Variants in PNPO observed in about 807,000 individuals in gnomAD.
PNPO encodes the protein pyridoxamine 5'-phosphate oxidase.
Under a neutral mutation model 35.0 loss-of-function variants are expected in PNPO, and 39 were observed. The observed-to-expected ratio is 1.11, with a 90% CI of 0.86 to 1.45. The LOEUF is 1.45. PNPO is among the 40% of genes most tolerant of loss of function. PNPO has a pLI of 0.00. For synonymous variants in PNPO, 115 were observed against 119.8 expected, an observed-to-expected ratio of 0.96 and a Z score of 0.26; for missense variants, 288 against 340.0, an observed-to-expected ratio of 0.85 and a Z score of 1.20.
At chr17:47,944,997 C>T (rs543003386) in intron 3 of PNPO, 4 of 512,700 alleles carry the variant, frequency 7.8e-6, no homozygotes, top group African/African-American at 5.8e-5. Context: ...CAGACTCAGC[C>T]CCTCATGCTG....
intron 1 of PNPO, among the ~76,000 whole-genome samples, chr17:47,942,919 C>G (rs1298079275): frequency 1.3e-5 from 2 of 152,132 alleles, no homozygotes; most frequent in Non-Finnish European, 2.9e-5. Flanking sequence ...GAGTGAGACC[C>G]TGTCTAAAAT....
chr17:47,941,696 C>T lies in PNPO; in HGVS notation c.21C>T (p.Gly7=). MTCWLR[G]VTATFGRPAE... is the part of the protein sequence containing the mutation. ...CCCCCATGACGTGCTGGCTGCGGGG[C>T]GTCACGGCGACGTTCGGGCGACCTG... Residue 7 remains glycine, a synonymous_variant, in exon 1 of 7, where the codon GGC becomes GGT. Transcript: ENST00000642017. The T allele has an allele frequency of 1.9e-6, 3 of 1,540,422 alleles. No individual in the cohort carries two copies. The highest frequency in any genetic ancestry group is 2.7e-5 in the African/African-American group (2 of 72,968).
Position 47,946,778 on chromosome 17 carries a change from C to T in PNPO, c.782C>T (p.Pro261Leu), listed in dbSNP as rs769125577. The change falls in exon 7 of 7, where the codon CCT (proline) becomes CTT (leucine). Residue 261 changes from proline (P) to leucine (L), a missense_variant. By Grantham distance (98) the Pro-to-Leu change is moderately conservative. Transcript: ENST00000642017. ...GACTGGCTCTATGAGAGACTTGCACCTTAACTCTGGGACCTGCTGGCCCAG... is the reference window on the plus strand; with the variant it reads ...GACTGGCTCTATGAGAGACTTGCACTTTAACTCTGGGACCTGCTGGCCCAG... ...EEDWLYERLA[P>L] 1.8e-5 allele frequency: 29 copies of T among 1,613,910 alleles called. No homozygotes were observed. The Admixed American group carries it at 4.8e-4, about 27-fold the overall frequency.
At position 47,945,199 on chromosome 17, in the gene PNPO, G is replaced by A. The variant is rs1002510967; in HGVS notation, c.364-360G>A. ...TCTCCTGTTGTCAGACCCAGAGTGG[G>A]CACTTCGCGTGCATTCAATGAATGA... On this transcript the variant is annotated intron_variant, in intron 3 of 6. Transcript: ENST00000642017. The surrounding 1 kb of genome is among the most constrained non-coding windows in gnomAD (Gnocchi z 4.0). 2.6e-6 allele frequency: 1 copy of A among 388,784 alleles called. No individual in the cohort carries two copies. Among genetic ancestry groups the A allele is most frequent in the Middle Eastern group, 8.7e-4 (1 of 1,146 alleles). The allele number at this position is 388,784 out of a possible 1,614,324, so 24.1% of individuals were successfully genotyped here. A position where few individuals can be genotyped will look rare whatever the true frequency, so the allele number is the denominator to read the frequency against.
At position 47,945,985 on chromosome 17, in the gene PNPO, G is replaced by T. The variant is rs377328326; in HGVS notation, c.542G>T (p.Arg181Leu). The change falls in exon 5 of 7, where the codon CGG becomes CTG. Residue 181 changes from arginine to leucine, a missense_variant. Physicochemically the swap from Arg to Leu is moderately radical, Grantham distance 102 (BLOSUM62 -2). Transcript: ENST00000642017. This position sits in a 1 kb window ranked among gnomAD's most constrained non-coding sequence, Gnocchi z 4.0. ...VSHQSSVIPDREYLRKKNEEL... is the reference protein window; with the variant it reads ...VSHQSSVIPDLEYLRKKNEEL... ...CACCAGAGTTCTGTGATCCCTGATC[G>T]GGAGGTGAGTGGAGCTCCGCTGTAG... The T allele has an allele frequency of 6.2e-7, 1 of 1,613,842 alleles. No homozygotes were observed. The highest frequency in any genetic ancestry group is 1.7e-5 in the Admixed American group (1 of 60,030).
At chr17:47,942,694 G>T (rs2035956634) in intron 1 of PNPO, among the ~76,000 whole-genome samples, 1 of 152,116 alleles carries the variant, frequency 6.6e-6, no homozygotes, top group Non-Finnish European at 1.5e-5. Context: ...TTGCATGTGG[G>T]CATTTCTAGA....
intron 2 of PNPO, 82 bp from the exon 3 acceptor site, chr17:47,944,534 C>G: frequency 1.9e-6 from 2 of 1,078,972 alleles, no homozygotes; most frequent in South Asian, 2.5e-5. Context: ...GGAGGGGGTG[C>G]TGAGACATCC....
At chr17:47,941,987 A>T in intron 1 of PNPO, 174 bp downstream of exon 1, 13 of 1,339,944 alleles carry the variant, frequency 9.7e-6, no homozygotes, top group Non-Finnish European at 1.2e-5. Flanking sequence ...AAGACATCCC[A>T]CCAGGGGAGG....
Position 47,945,645 on chromosome 17 carries a change from G to A in PNPO, c.417+33G>A. The A allele has an allele frequency of 6.4e-7, 1 of 1,569,668 alleles. No individual in the cohort carries two copies. The highest frequency in any genetic ancestry group is 2.2e-5 in the East Asian group (1 of 44,654). ...AATTTTCCCAGGACAGCCTGGGATGGGCTGGGTTGGCAGGGCCTGAGTTTA... is the reference window on the plus strand; with the variant it reads ...AATTTTCCCAGGACAGCCTGGGATGAGCTGGGTTGGCAGGGCCTGAGTTTA... On this transcript the variant is annotated intron_variant, in intron 4 of 6. Transcript: ENST00000642017. This position sits in a 1 kb window ranked among gnomAD's most constrained non-coding sequence, Gnocchi z 4.0.
intron 1 of PNPO, among the ~76,000 whole-genome samples, 177 bp from the exon 2 acceptor site, chr17:47,943,129 C>T (rs959423466): frequency 6.6e-6 from 1 of 152,116 alleles, no homozygotes; most frequent in African/African-American, 2.4e-5. Context: ...AGTTTTTATG[C>T]CTGTTTCCTC....
chr17:47,946,218 A>G, intron 5 of PNPO, 105 bp from the exon 6 acceptor site: 3 of 1,052,488 alleles, frequency 2.9e-6, no homozygotes, highest in Non-Finnish European at 3.0e-6. Flanking sequence ...GACAGAGGCC[A>G]GTCTGCTCTG....
At chr17:47,944,796 C>A in intron 3 of PNPO, 81 bp downstream of exon 3, 1 of 1,071,084 alleles carries the variant, frequency 9.3e-7, no homozygotes, top group Non-Finnish European at 1.5e-6. Flanking sequence ...TTATGCCACC[C>A]CACCCCCCCA....
At chr17:47,941,908 G>A in intron 1 of PNPO, 95 bp downstream of exon 1, 1 of 1,407,236 alleles carries the variant, frequency 7.1e-7, no homozygotes, top group African/African-American at 1.4e-5. Flanking sequence ...GAGCCCCTCG[G>A]GGCTTCTGGG....
Position 47,941,776 on chromosome 17 carries a change from T to A in PNPO, c.101T>A (p.Leu34Gln). 6.4e-7 allele frequency: 1 copy of A among 1,569,066 alleles called. No homozygotes were observed. Residue 34 changes from leucine (L) to glutamine (Q), a missense_variant, in exon 1 of 7, where the codon CTG becomes CAG. By Grantham distance (113) the Leu-to-Gln change is moderately radical. Coordinates refer to ENST00000642017, the MANE Select transcript of PNPO (RefSeq NM_018129.4). Reference sequence around the variant, plus strand: ...TGTGGTCGCAGTGCTGCCATGGACCTGGGACCCATGCGCAAGAGTTACCGC... The same window carrying A: ...TGTGGTCGCAGTGCTGCCATGGACCAGGGACCCATGCGCAAGAGTTACCGC... The part of the protein sequence containing the change: ...HLCGRSAAMD[L>Q]GPMRKSYRGD...
At position 47,945,351 on chromosome 17, in the gene PNPO, C is replaced by T. The variant is rs2035993590; in HGVS notation, c.364-208C>T. 2 of 585,996 alleles carry T rather than the reference C, an allele frequency of 3.4e-6. No individual in the cohort carries two copies. Among genetic ancestry groups the T allele is most frequent in the African/African-American group, 1.9e-5 (1 of 53,996 alleles). 36.3% of individuals were successfully genotyped at this position (585,996 alleles called of 1,614,324 possible). ...AGTCCGACTGGCTTAAACTTAGCTC[C>T]ACCACTTCCTGCAGGAACTTGGGCA... On this transcript the variant is annotated intron_variant, in intron 3 of 6. Coordinates refer to ENST00000642017, the MANE Select transcript of PNPO (RefSeq NM_018129.4). The surrounding 1 kb of genome is among the most constrained non-coding windows in gnomAD (Gnocchi z 4.0).
In PNPO at chr17:47,944,728, A is replaced by G; in HGVS notation, c.363+13A>G. On this transcript the variant is annotated intron_variant, in intron 3 of 6. Coordinates refer to ENST00000642017, the MANE Select transcript of PNPO (RefSeq NM_018129.4). ...AGGAAAAGAGCTGGTGGGTGAAAAG[A>G]GCTAGTAATCTTTCCCAGGGCCTGC... 1.9e-6 allele frequency: 3 copies of G among 1,603,894 alleles called. No individual in the cohort carries two copies. The highest frequency in any genetic ancestry group is 2.6e-6 in the Non-Finnish European group (3 of 1,170,632).
At position 47,947,983 on chromosome 17, in the gene PNPO, C is replaced by T. The variant is rs2036032081; in HGVS notation, c.*1201C>T. The T allele has an allele frequency of 6.6e-6, 1 of 152,198 alleles. No individual in the cohort carries two copies. The highest frequency in any genetic ancestry group is 1.5e-5 in the Non-Finnish European group (1 of 68,040). 9.4% of individuals were successfully genotyped at this position (152,198 alleles called of 1,614,324 possible). ...ATAGCACTTCCCCTACTGATTGCTG[C>T]CTTCTCTGTGGCTACAAGGGACCCA... On this transcript the variant is annotated 3_prime_UTR_variant, in exon 7 of 7. Coordinates refer to ENST00000642017, the MANE Select transcript of PNPO (RefSeq NM_018129.4).
rs1057179395 is a variant in PNPO at position 47,947,636 on chromosome 17, C to A, written c.*854C>A. The A allele has an allele frequency of 2.7e-5, 4 of 150,848 alleles. No homozygotes were observed. The highest frequency in any genetic ancestry group is 2.0e-4 in the Admixed American group (3 of 15,030). 9.3% of individuals were successfully genotyped at this position (150,848 alleles called of 1,614,324 possible). A position where few individuals can be genotyped will look rare whatever the true frequency, so the allele number is the denominator to read the frequency against. On this transcript the variant is annotated 3_prime_UTR_variant, in exon 7 of 7. Transcript: ENST00000642017. ...CTCTGCCTCCCAGGTTCAAGCAATT[C>A]TCCTGCCTCAGCCTCCCAAGTAGCT...
Position 47,944,694 on chromosome 17 carries a change from G to A in PNPO, c.342G>A (p.Glu114=), listed in dbSNP as rs1242820576. 1.2e-5 allele frequency: 19 copies of A among 1,613,932 alleles called. No homozygotes were observed. The highest frequency in any genetic ancestry group is 1.5e-5 in the Non-Finnish European group (18 of 1,179,914). The change falls in exon 3 of 7, where the codon GAG becomes GAA. Residue 114 remains glutamate, a synonymous_variant. Transcript: ENST00000642017. ...KDGFRFFTNF[E]SRKGKELDSN... The stretch of plus-strand genomic sequence containing the variant: ...GCTTCCGCTTCTTCACTAACTTCGA[G>A]AGTCGAAAAGGAAAAGAGCTGGTGG...
Sources: allele counts gnomAD v4.1 joint callset (sites outside exome capture counted in the v4.1 genomes callset), GRCh38; gene constraint gnomAD v4.1.1; non-coding constraint Gnocchi (gnomAD v3.1); transcripts MANE v1.5; gene names NCBI Gene and HGNC (gene_info 2026-07-23, HGNC 2026-07-21).